The following MUC4 variants were observed in gnomAD, a reference collection of about 807,000 sequenced individuals.
The protein encoded by MUC4 is mucin 4, cell surface associated, also known as mucin-4.
A neutral mutation model predicts 257.9 loss-of-function variants in MUC4; 202 were observed. The observed-to-expected ratio is 0.78, with a 90% CI of 0.70 to 0.88. MUC4 has a LOEUF of 0.88. Ranked by LOEUF, MUC4 falls within the 40% of genes least tolerant of loss-of-function variation. The probability of loss-of-function intolerance (pLI) is 0.00; values close to 1 mark genes in which losing one functional copy is unlikely to be tolerated. For missense variants in MUC4, 5,976 were observed against 6,513.7 expected (o/e 0.92, Z 2.84); for synonymous variants, 2,351 against 2,757.1 (o/e 0.85, Z 4.62).
intron 14 of MUC4, among the ~76,000 whole-genome samples, chr3:195,761,885 T>C (rs1719017228): frequency 1.3e-5 from 2 of 152,070 alleles, no homozygotes; most frequent in South Asian, 2.1e-4. Context: ...GATGCTCCCT[T>C]AGAGCGGGCG....
At position 195,785,956 on chromosome 3, in the gene MUC4, A is replaced by T; in HGVS notation, c.5624T>A (p.Val1875Asp). ...VSTGHATSLL[V>D]TDASSVSTGD... is the part of the protein sequence containing the mutation. ...TGTGGATACTGAGGAAGCGTCGGTGACAAGAAGAGAGGTGGCGTGACCTGT... is the reference window on the plus strand; with the variant it reads ...TGTGGATACTGAGGAAGCGTCGGTGTCAAGAAGAGAGGTGGCGTGACCTGT... Residue 1875 changes from valine (V) to aspartate (D), a missense_variant, in exon 2 of 25, where the codon GTC (valine) becomes GAC (aspartate). By Grantham distance (152) the Val-to-Asp change is radical. Transcript: ENST00000463781. 6.6e-7 allele frequency: 1 copy of T among 1,506,206 alleles called. No homozygotes were observed. Among genetic ancestry groups the T allele is most frequent in the African/African-American group, 1.4e-5 (1 of 70,362 alleles). 93.3% of individuals were successfully genotyped at this position (1,506,206 alleles called of 1,614,324 possible).
chr3:195,783,087 G>C lies in MUC4; in HGVS notation c.8493C>G (p.Thr2831=), dbSNP rs1329373876. The C allele has an allele frequency of 9.4e-6, 7 of 745,008 alleles. 1 individual carries two copies. In the Admixed American group the frequency reaches 2.1e-4, roughly 23 times the overall value. The allele number at this position is 745,008 out of a possible 1,614,324, so 46.1% of individuals were successfully genotyped here. Residue 2831 remains threonine (T), a synonymous_variant, in exon 2 of 25, where the codon ACC becomes ACG. Coordinates refer to ENST00000463781, the MANE Select transcript of MUC4 (RefSeq NM_018406.7). ...AGGAAGGGATGGTGACAGGAAGAGAGGTGGCATGACCTGTGAACACTGAGG... is the reference window on the plus strand; with the variant it reads ...AGGAAGGGATGGTGACAGGAAGAGACGTGGCATGACCTGTGAACACTGAGG... ...DASSVFTGHA[T]SLPVTIPSSA...
chr3:195,754,692 G>GA (rs1717156452), intron 18 of MUC4, among the ~76,000 whole-genome samples: 1 of 151,170 alleles, frequency 6.6e-6, no homozygotes, highest in African/African-American at 2.4e-5. Context: ...TAAGATGGGG[G>GA]ATGCATGAAT....
Position 195,781,448 on chromosome 3 carries a change from G to T in MUC4, c.10132C>A (p.Pro3378Thr). Residue 3378 changes from proline (P) to threonine (T), a missense_variant, in exon 2 of 25, where the codon CCT becomes ACT. This residue lies in a region of MUC4 where 297 missense variants were observed against 240.9 expected (regional missense o/e 1.23). Transcript: ENST00000463781. ...SASTGDTTRLPVTDISSASTG... is the reference protein window; with the variant it reads ...SASTGDTTRLTVTDISSASTG... ...GATGCCGAGGAAATGTCGGTGACAGGAAGACGGGTGGTGTCACCTGTGGAA... is the reference window on the plus strand; with the variant it reads ...GATGCCGAGGAAATGTCGGTGACAGTAAGACGGGTGGTGTCACCTGTGGAA... 6.5e-7 allele frequency: 1 copy of T among 1,536,514 alleles called. No individual in the cohort carries two copies. Among genetic ancestry groups the T allele is most frequent in the Non-Finnish European group, 8.8e-7 (1 of 1,139,340 alleles).
Position 195,762,845 on chromosome 3 carries a change from C to T in MUC4, c.14344+10G>A. On this transcript the variant is annotated intron_variant, in intron 13 of 24. Transcript: ENST00000463781. Reference sequence around the variant, plus strand: ...TGCGGGGAGGGGGCGGCCGGCGCTCCCCAACCTACCTCCGCCGTCTTCATG... The same window carrying T: ...TGCGGGGAGGGGGCGGCCGGCGCTCTCCAACCTACCTCCGCCGTCTTCATG... 1 of 1,551,078 alleles carries T rather than the reference C, an allele frequency of 6.4e-7. No individual in the cohort carries two copies.
chr3:195,748,263 T>A (rs2148737559), intron 24 of MUC4, among the ~76,000 whole-genome samples: 1 of 152,312 alleles, frequency 6.6e-6, no homozygotes, highest in East Asian at 1.9e-4. Flanking sequence ...CCAGATCAGG[T>A]GGGAGGGTTT....
In MUC4 at chr3:195,751,350, A is replaced by G. The variant is rs1408233714; in HGVS notation, c.15583-79T>C. The G allele has an allele frequency of 2.8e-6, 3 of 1,085,350 alleles. No individual in the cohort carries two copies. In the Admixed American group the frequency reaches 5.9e-5, roughly 21 times the overall value. 67.2% of individuals were successfully genotyped at this position (1,085,350 alleles called of 1,614,324 possible). A position where few individuals can be genotyped will look rare whatever the true frequency, so the allele number is the denominator to read the frequency against. ...GACGCCCTCCCACCTTGATGGGTGT[A>G]TTCATCCCTGTTTCCTCCTGGAACG... On this transcript the variant is annotated intron_variant, in intron 21 of 24. Transcript: ENST00000463781.
In MUC4 at chr3:195,757,995, C is replaced by T. The variant is rs1324140814; in HGVS notation, c.14987-667G>A. ...ATTGTCTCGCACCTGGGAGGACGCA[C>T]ATGGGGCAAAAGGGATGCAGGCAAA... On this transcript the variant is annotated intron_variant, in intron 17 of 24. Coordinates refer to ENST00000463781, the MANE Select transcript of MUC4 (RefSeq NM_018406.7). This position sits in a 1 kb window ranked among gnomAD's most constrained non-coding sequence, Gnocchi z 4.8. 4.6e-5 allele frequency among the ~76,000 whole-genome samples: 7 copies of T among 152,126 alleles called. No individual in the cohort carries two copies. The highest frequency in any genetic ancestry group is 7.3e-5 in the Non-Finnish European group (5 of 68,028).
Position 195,778,822 on chromosome 3 carries a change from G to T in MUC4, c.12758C>A (p.Ser4253Tyr). The change falls in exon 2 of 25, where the codon TCC becomes TAC. Residue 4253 changes from serine to tyrosine, a missense_variant. Around this residue, in one of 44 missense-constraint regions of MUC4, gnomAD observed 233 missense variants for 171.2 expected, o/e 1.36. Transcript: ENST00000463781. Reference sequence around the variant, plus strand: ...TTCCATCTTCAGAGGGGAGTCCGAGGATACTGTGGAAGCTGAGGTAGCACT... The same window carrying T: ...TTCCATCTTCAGAGGGGAGTCCGAGTATACTGTGGAAGCTGAGGTAGCACT... Reference protein sequence around the residue: ...VSSATSASTVSSDSPLKMETP... With the variant: ...VSSATSASTVYSDSPLKMETP... 5 of 1,612,228 alleles carry T rather than the reference G, an allele frequency of 3.1e-6. No individual in the cohort carries two copies. Among genetic ancestry groups the T allele is most frequent in the Middle Eastern group, 1.7e-4 (1 of 6,050 alleles).
chr3:195,780,352 G>A lies in MUC4; in HGVS notation c.11228C>T (p.Thr3743Ile), dbSNP rs1286398720. Residue 3743 changes from threonine to isoleucine, a missense_variant, in exon 2 of 25, where the codon ACC (threonine) becomes ATC (isoleucine). By Grantham distance (89) the Thr-to-Ile change is moderately conservative (BLOSUM62 -1). Coordinates refer to ENST00000463781, the MANE Select transcript of MUC4 (RefSeq NM_018406.7). Reference sequence around the variant, plus strand: ...GGAAGTGCTGGTGACAGGAAGAGGGGTGACGTGACCTGTGGATGCTGAGGA... The same window carrying A: ...GGAAGTGCTGGTGACAGGAAGAGGGATGACGTGACCTGTGGATGCTGAGGA... ...SPSSASTGHVTPLPVTSTSSA... is the reference protein window; with the variant it reads ...SPSSASTGHVIPLPVTSTSSA... The A allele has an allele frequency of 3.5e-6, 5 of 1,414,542 alleles. No individual in the cohort carries two copies. Among genetic ancestry groups the A allele is most frequent in the African/African-American group, 1.7e-5 (1 of 58,140 alleles). 87.6% of individuals were successfully genotyped at this position (1,414,542 alleles called of 1,614,324 possible).
rs28542401 is a variant in MUC4 at position 195,782,558 on chromosome 3, A to T, written c.9022T>A (p.Ser3008Thr). The T allele has an allele frequency of 3.2e-5, 34 of 1,073,490 alleles. 1 individual carries two copies. The highest frequency in any genetic ancestry group is 3.7e-5 in the Non-Finnish European group (32 of 871,328). The allele number at this position is 1,073,490 out of a possible 1,614,324, so 66.5% of individuals were successfully genotyped here. Reference sequence around the variant, plus strand: ...GAGGAAGTGTCGGTGACAGGAAGAGAGGTGGCGTGACCTATGGATGCTGAG... The same window carrying T: ...GAGGAAGTGTCGGTGACAGGAAGAGTGGTGGCGTGACCTATGGATGCTGAG... ...TSSASIGHATSLPVTDTSSIS... is the reference protein window; with the variant it reads ...TSSASIGHATTLPVTDTSSIS... Residue 3008 changes from serine to threonine, a missense_variant, in exon 2 of 25, where the codon TCT (serine) becomes ACT (threonine). Physicochemically the swap from Ser to Thr is moderately conservative, Grantham distance 58. Around this residue, in one of 44 missense-constraint regions of MUC4, gnomAD observed 68 missense variants for 50.2 expected, o/e 1.35. Transcript: ENST00000463781.
Position 195,757,142 on chromosome 3 carries a change from C to T in MUC4, c.15168+5G>A. 6.3e-7 allele frequency: 1 copy of T among 1,588,942 alleles called. No homozygotes were observed. The highest frequency in any genetic ancestry group is 8.6e-7 in the Non-Finnish European group (1 of 1,160,348). On this transcript the variant is annotated splice_donor_5th_base_variant and intron_variant, in intron 18 of 24. Coordinates refer to ENST00000463781, the MANE Select transcript of MUC4 (RefSeq NM_018406.7). The surrounding 1 kb of genome is among the most constrained non-coding windows in gnomAD (Gnocchi z 4.8). ...GAAACTCCTCCCCCACCTCCCAACA[C>T]TCACCTCCAGGGAGGAGTTGCCCAC...
At chr3:195,749,194 C>A (rs1338526064) in intron 23 of MUC4, 130 bp from the exon 24 acceptor site, 10 of 1,164,810 alleles carry the variant, frequency 8.6e-6, no homozygotes, top group Non-Finnish European at 9.6e-6. Context: ...ATACATATGC[C>A]CCTGGACGTT....
At position 195,782,665 on chromosome 3, in the gene MUC4, C is replaced by G. The variant is rs1250539819; in HGVS notation, c.8915G>C (p.Gly2972Ala). 1 of 1,283,776 alleles carries G rather than the reference C, an allele frequency of 7.8e-7. No individual in the cohort carries two copies. Among genetic ancestry groups the G allele is most frequent in the Non-Finnish European group, 1.1e-6 (1 of 946,168 alleles). 79.5% of individuals were successfully genotyped at this position (1,283,776 alleles called of 1,614,324 possible). A position where few individuals can be genotyped will look rare whatever the true frequency, so the allele number is the denominator to read the frequency against. The change falls in exon 2 of 25, where the codon GGT becomes GCT. Residue 2972 changes from glycine to alanine, a missense_variant. Gly to Ala is a moderately conservative substitution (Grantham distance 60). Transcript: ENST00000463781. The part of the protein sequence containing the change: ...PVTDTSSAST[G>A]HATPLPDTDT... ...GGTGTCAGGAAGAGGGGTGGCGTGA[C>G]CTGTGGATGCTGAGGAAGTGTCGGT...
rs757286776 is a variant in MUC4 at position 195,786,566 on chromosome 3, A to C, written c.5014T>G (p.Ser1672Ala). The C allele has an allele frequency of 2.2e-5, 33 of 1,517,336 alleles. 2 individuals carry two copies. The highest frequency in any genetic ancestry group is 2.4e-5 in the Non-Finnish European group (27 of 1,126,334). 94.0% of individuals were successfully genotyped at this position (1,517,336 alleles called of 1,614,324 possible). A position where few individuals can be genotyped will look rare whatever the true frequency, so the allele number is the denominator to read the frequency against. The change falls in exon 2 of 25, where the codon TCA (serine) becomes GCA (alanine). Residue 1672 changes from serine to alanine, a missense_variant. By Grantham distance (99) the Ser-to-Ala change is moderately conservative. Around this residue, in one of 44 missense-constraint regions of MUC4, gnomAD observed 61 missense variants for 100.2 expected, o/e 0.61. Coordinates refer to ENST00000463781, the MANE Select transcript of MUC4 (RefSeq NM_018406.7). ...GGGGTGGCGTGACCGGTGGATGCTG[A>C]GGAAGTGCTGGTGACAGGAAGAGGG... ...ATPLPVTSTS[S>A]ASTGHATPLP...
At chr3:195,776,401 C>A (rs1724733762) in intron 3 of MUC4, among the ~76,000 whole-genome samples, 1 of 87,252 alleles carries the variant, frequency 1.1e-5, no homozygotes, top group African/African-American at 6.7e-5. Flanking sequence ...CTTCCACACC[C>A]ATACCTTCCA....
At chr3:195,770,936 T>A in intron 5 of MUC4, 1 of 451,892 alleles carries the variant, frequency 2.2e-6, no homozygotes, top group East Asian at 7.0e-5. Flanking sequence ...CCCCGTCACC[T>A]GTAGGTCTTC....
rs377628811 is a variant in MUC4 at position 195,778,484 on chromosome 3, G to A, written c.12791-29C>T. ...GACACGTGAAAAGACAAGGCGGGGT[G>A]TTTCTTACAGTAACAAAACAGGAGA... On this transcript the variant is annotated intron_variant, in intron 2 of 24. Coordinates refer to ENST00000463781, the MANE Select transcript of MUC4 (RefSeq NM_018406.7). 35 of 1,604,698 alleles carry A rather than the reference G, an allele frequency of 2.2e-5. No homozygotes were observed. The East Asian group carries it at 4.7e-4, about 21-fold the overall frequency.
At position 195,763,610 on chromosome 3, in the gene MUC4, G is replaced by A. The variant is rs993546648; in HGVS notation, c.14076C>T (p.Thr4692=). 4 of 1,563,260 alleles carry A rather than the reference G, an allele frequency of 2.6e-6. No homozygotes were observed. Among genetic ancestry groups the A allele is most frequent in the Non-Finnish European group, 3.5e-6 (4 of 1,149,572 alleles). Residue 4692 remains threonine, a synonymous_variant, in exon 12 of 25, where the codon ACC becomes ACT. Transcript: ENST00000463781. ...AWMFGDPHIT[T]LDGVSYTFNG... is the part of the protein sequence containing the mutation. Reference sequence around the variant, plus strand: ...TGAAGGTGTAACTGACACCATCCAAGGTGGTGATGTGGGGGTCCCCGAACA... The same window carrying A: ...TGAAGGTGTAACTGACACCATCCAAAGTGGTGATGTGGGGGTCCCCGAACA...
Sources: gnomAD v4.1 joint callset for allele counts (sites outside exome capture counted in the v4.1 genomes callset) on GRCh38, gnomAD v4.1.1 for gene constraint, gnomAD v4.1.1 regional missense constraint, Gnocchi (gnomAD v3.1) non-coding constraint, MANE v1.5 for transcripts, NCBI Gene and HGNC (gene_info 2026-07-23, HGNC 2026-07-21) for gene names.